Variants in CCDC198 observed in about 807,000 individuals in gnomAD.
CCDC198 encodes the protein coiled-coil domain containing 198.
A neutral mutation model predicts 35.6 loss-of-function variants in CCDC198; 18 were observed. That is an observed-to-expected ratio of 0.51 (90% CI 0.35 to 0.75). The LOEUF is 0.75. Ranked by LOEUF, CCDC198 falls within the 30% of genes least tolerant of loss-of-function variation. CCDC198 has a pLI of 0.01. For missense variants in CCDC198, 365 were observed against 343.7 expected (o/e 1.06, Z -0.49); for synonymous variants, 119 against 113.4 (o/e 1.05, Z -0.31).
At chr14:57,479,360 A>G (rs1214442223) in intron 5 of CCDC198, among the ~76,000 whole-genome samples, 2 of 152,118 alleles carry the variant, frequency 1.3e-5, no homozygotes, top group Non-Finnish European at 2.9e-5. Flanking sequence ...AGTAGCTGGG[A>G]CTACGGGCAT....
At chr14:57,490,154 G>A (rs977958330) in intron 2 of CCDC198, among the ~76,000 whole-genome samples, 1 of 152,116 alleles carries the variant, frequency 6.6e-6, no homozygotes, top group Admixed American at 6.6e-5. Flanking sequence ...AGGCATCTGG[G>A]TGAATTGTGT....
rs1000341873 is a variant in CCDC198, at chr14:57,471,594, C to CA, written c.656-5dup. 2.0e-6 allele frequency: 3 copies of CA among 1,509,902 alleles called. No individual in the cohort carries two copies. Among genetic ancestry groups the CA allele is most frequent in the Non-Finnish European group, 1.8e-6 (2 of 1,111,034 alleles). 93.5% of individuals were successfully genotyped at this position (1,509,902 alleles called of 1,614,324 possible). A position where few individuals can be genotyped will look rare whatever the true frequency, so the allele number is the denominator to read the frequency against. ...AATTCTGTATTCTTTGAATTTCCTA[C>CA]AAAAAAATTAAGTTTCTTTAATTTT... On this transcript the variant is annotated splice_polypyrimidine_tract_variant and splice_region_variant and intron_variant, in intron 5 of 5. Coordinates refer to ENST00000216445, the MANE Select transcript of CCDC198 (RefSeq NM_018168.4).
intron 5 of CCDC198, among the ~76,000 whole-genome samples, chr14:57,479,350 A>G (rs760481377): frequency 6.6e-6 from 1 of 152,158 alleles, no homozygotes; most frequent in Non-Finnish European, 1.5e-5. Flanking sequence ...CAGCCTTTTG[A>G]GTAGCTGGGA....
At chr14:57,492,717 G>A (rs61995060) in intron 1 of CCDC198, among the ~76,000 whole-genome samples, 24,178 of 151,808 alleles carry the variant, frequency 0.16, 2,235 homozygotes, top group Non-Finnish European at 0.2. Context: ...ATCCAATAAG[G>A]GAAACTTATT....
At chr14:57,484,678 A>G (rs974570767) in intron 2 of CCDC198, among the ~76,000 whole-genome samples, 6 of 152,224 alleles carry the variant, frequency 3.9e-5, no homozygotes, top group Non-Finnish European at 8.8e-5. Flanking sequence ...GCTGCAGTTT[A>G]CAGTAAGTGA....
At chr14:57,475,833 T>C (rs2066978204) in intron 5 of CCDC198, 1 of 276,822 alleles carries the variant, frequency 3.6e-6, no homozygotes, top group Non-Finnish European at 6.5e-6. Flanking sequence ...ACAGAGTCTC[T>C]CTCTGTCGAC....
intron 5 of CCDC198, among the ~76,000 whole-genome samples, chr14:57,480,095 A>G (rs186001151): frequency 6.6e-6 from 1 of 152,334 alleles, no homozygotes; most frequent in African/African-American, 2.4e-5. Flanking sequence ...GAGCCAGTAG[A>G]TCAGCAGGAA....
chr14:57,484,134 TC>T (rs1436216733), intron 2 of CCDC198, among the ~76,000 whole-genome samples: 1 of 152,144 alleles, frequency 6.6e-6, no homozygotes, highest in Non-Finnish European at 1.5e-5. Flanking sequence ...GAATTGTGCC[TC>T]CCCACAAAAT....
At chr14:57,475,121 C>T (rs1031697663) in intron 5 of CCDC198, among the ~76,000 whole-genome samples, 4 of 151,568 alleles carry the variant, frequency 2.6e-5, no homozygotes, top group Non-Finnish European at 4.4e-5. Context: ...ATTAGCCGGG[C>T]ATGGTGGCGG....
At chr14:57,475,830 C>T (rs1463303727) in intron 5 of CCDC198, 4 of 244,826 alleles carry the variant, frequency 1.6e-5, no homozygotes, top group Non-Finnish European at 2.8e-5. Flanking sequence ...GAGACAGAGT[C>T]TCTCTCTGTC....
intron 2 of CCDC198, among the ~76,000 whole-genome samples, chr14:57,490,156 G>T (rs2067512776): frequency 6.6e-6 from 1 of 152,138 alleles, no homozygotes; most frequent in Non-Finnish European, 1.5e-5. Flanking sequence ...GCATCTGGGT[G>T]AATTGTGTAG....
intron 5 of CCDC198, among the ~76,000 whole-genome samples, chr14:57,479,607 T>C (rs899357236): frequency 6.6e-6 from 1 of 152,190 alleles, no homozygotes; most frequent in Non-Finnish European, 1.5e-5. Context: ...TTTTTGCCTT[T>C]TGTAATAAAC....
rs772359625 is a variant in CCDC198 at position 57,480,806 on chromosome 14, C to A, written c.496-52G>T. ...AATGTTCTTCCCAAGCTACTTTCAC[C>A]AGACTAGATCAACAGATCAGCCACT... is the stretch of plus-strand genomic sequence containing the variant. On this transcript the variant is annotated intron_variant, in intron 4 of 5. Coordinates refer to ENST00000216445, the MANE Select transcript of CCDC198 (RefSeq NM_018168.4). The A allele has an allele frequency of 5.7e-6, 9 of 1,586,444 alleles. No individual in the cohort carries two copies. The South Asian group carries it at 7.9e-5, about 14-fold the overall frequency.
At chr14:57,486,972 C>A (rs1484751800) in intron 2 of CCDC198, among the ~76,000 whole-genome samples, 1 of 152,164 alleles carries the variant, frequency 6.6e-6, no homozygotes, top group East Asian at 1.9e-4. Flanking sequence ...ACTAACATTG[C>A]ACCTGGGATC....
chr14:57,475,247 T>C lies in CCDC198; in HGVS notation c.656-3657A>G, dbSNP rs940030925. 61 of 639,912 alleles carry C rather than the reference T, an allele frequency of 9.5e-5. No individual in the cohort carries two copies. In the Middle Eastern group the frequency reaches 2.3e-3, roughly 24 times the overall value. 39.6% of individuals were successfully genotyped at this position (639,912 alleles called of 1,614,324 possible). A position where few individuals can be genotyped will look rare whatever the true frequency, so the allele number is the denominator to read the frequency against. ...CTGCACTCCAGCCTGGGCGACAGAGTGAGACTCCATCTCAAAATAAATAAA... is the reference window on the plus strand; with the variant it reads ...CTGCACTCCAGCCTGGGCGACAGAGCGAGACTCCATCTCAAAATAAATAAA... On this transcript the variant is annotated intron_variant, in intron 5 of 5. Coordinates refer to ENST00000216445, the MANE Select transcript of CCDC198 (RefSeq NM_018168.4).
Position 57,471,227 on chromosome 14 carries a change from T to A in CCDC198, c.*128A>T. On this transcript the variant is annotated 3_prime_UTR_variant, in exon 6 of 6. Coordinates refer to ENST00000216445, the MANE Select transcript of CCDC198 (RefSeq NM_018168.4). ...GACGGACTTGTTAATCATAAGACTC[T>A]AAAGATATCATTTCTTTTTACCAAA... The A allele has an allele frequency of 1.5e-6, 1 of 685,200 alleles. No individual in the cohort carries two copies. The allele number at this position is 685,200 out of a possible 1,614,324, so 42.4% of individuals were successfully genotyped here. A position where few individuals can be genotyped will look rare whatever the true frequency, so the allele number is the denominator to read the frequency against.
At chr14:57,486,714 A>C (rs2067373061) in intron 2 of CCDC198, among the ~76,000 whole-genome samples, 1 of 152,176 alleles carries the variant, frequency 6.6e-6, no homozygotes, top group South Asian at 2.1e-4. Context: ...GAAGCCAAGA[A>C]TTTTTAGTTT....
intron 5 of CCDC198, among the ~76,000 whole-genome samples, chr14:57,478,176 C>T (rs887601817): frequency 2.6e-5 from 4 of 152,168 alleles, no homozygotes; most frequent in Admixed American, 6.5e-5. Flanking sequence ...CTTTAACTTT[C>T]CTTTCAGAAG....
rs768171895 is a variant in CCDC198, at chr14:57,491,018, T to A, written c.277A>T (p.Ile93Phe). The A allele has an allele frequency of 3.1e-6, 5 of 1,608,214 alleles. No individual in the cohort carries two copies. In the African/African-American group the frequency reaches 6.7e-5, roughly 21 times the overall value. The change falls in exon 2 of 6, where the codon ATT (isoleucine) becomes TTT (phenylalanine). Residue 93 changes from isoleucine to phenylalanine, a missense_variant. Coordinates refer to ENST00000216445, the MANE Select transcript of CCDC198 (RefSeq NM_018168.4). ...AGTCTTTGGGGTGGATGCCTTTTAA[T>A]AATACTTGTTTCTCTGTGTTCCAGT... Reference protein sequence around the residue: ...IPLEHRETSIIKRHPPQRLQK... With the variant: ...IPLEHRETSIFKRHPPQRLQK...
Sources: allele counts gnomAD v4.1 joint callset (sites outside exome capture counted in the v4.1 genomes callset), GRCh38; gene constraint gnomAD v4.1.1; transcripts MANE v1.5; gene names NCBI Gene and HGNC (gene_info 2026-07-23, HGNC 2026-07-21).